BMP6: variants seen among roughly 807,000 people sequenced by gnomAD.
BMP6 encodes VG-1-R.
Under a neutral mutation model 54.1 loss-of-function variants are expected in BMP6, and 17 were observed. The ratio of observed to expected loss-of-function variants is 0.31; its 90% CI spans 0.22 to 0.47. BMP6 has a LOEUF of 0.47. BMP6 is among the 20% of genes least tolerant of loss of function. BMP6 has a pLI of 1.00. For synonymous variants in BMP6, 328 were observed against 291.2 expected (o/e 1.13, Z -1.28); for missense variants, 720 against 690.4 (o/e 1.04, Z -0.48).
At chr6:7,729,990 G>A (rs1387929257) in intron 1 of BMP6, among the ~76,000 whole-genome samples, 1 of 152,236 alleles carries the variant, frequency 6.6e-6, no homozygotes, top group Non-Finnish European at 1.5e-5. Flanking sequence ...ATAGAAGTGT[G>A]CCACCATGCC....
chr6:7,829,258 T>C (rs1373714303), intron 1 of BMP6, among the ~76,000 whole-genome samples: 2 of 152,130 alleles, frequency 1.3e-5, no homozygotes, highest in Non-Finnish European at 2.9e-5. Flanking sequence ...GGATTTTTTA[T>C]GTATGTCTTC....
intron 1 of BMP6, among the ~76,000 whole-genome samples, chr6:7,808,914 TAAAAAAAA>T (rs70982107): frequency 1.1e-5 from 1 of 89,002 alleles, no homozygotes; most frequent in African/African-American, 4.7e-5. Flanking sequence ...ACCCTGTCTC[TAAAAAAAA>T]AAAAAAAAAA....
chr6:7,827,066 G>C (rs1024304557), intron 1 of BMP6, among the ~76,000 whole-genome samples: 1 of 152,176 alleles, frequency 6.6e-6, no homozygotes, highest in African/African-American at 2.4e-5. Flanking sequence ...CTTGCTGCCC[G>C]TATCTACAGC....
At chr6:7,738,508 G>C (rs999447093) in intron 1 of BMP6, among the ~76,000 whole-genome samples, 1 of 152,126 alleles carries the variant, frequency 6.6e-6, no homozygotes, top group African/African-American at 2.4e-5. Flanking sequence ...ACCACGACCT[G>C]CTTGGCCGTG....
chr6:7,737,277 G>GT (rs1761969598), intron 1 of BMP6, among the ~76,000 whole-genome samples: 2 of 152,130 alleles, frequency 1.3e-5, no homozygotes, highest in Admixed American at 6.5e-5. Context: ...ATGTCCTGTG[G>GT]TTTAATACTT....
chr6:7,783,803 T>C (rs1757982979), intron 1 of BMP6, among the ~76,000 whole-genome samples: 1 of 152,250 alleles, frequency 6.6e-6, no homozygotes, highest in Non-Finnish European at 1.5e-5. Flanking sequence ...TCACCTCTTC[T>C]TCATGGAATG....
At chr6:7,866,720 A>G (rs542556279) in intron 4 of BMP6, among the ~76,000 whole-genome samples, 3 of 152,334 alleles carry the variant, frequency 2.0e-5, no homozygotes, top group African/African-American at 7.2e-5. Context: ...TTAATGATCC[A>G]TGTGAAATTG....
rs763377219 is a variant in BMP6 at position 7,727,181 on chromosome 6, A to G, written c.226A>G (p.Lys76Glu). 56 of 1,599,804 alleles carry G rather than the reference A, an allele frequency of 3.5e-5. No individual in the cohort carries two copies. Among genetic ancestry groups the G allele is most frequent in the Non-Finnish European group, 4.4e-5 (52 of 1,174,230 alleles). ...GTACCGGCGGCTCAAGACGCAGGAG[A>G]AGCGGGAGATGCAGAAGGAGATCTT... is the stretch of plus-strand genomic sequence containing the variant. ...FLYRRLKTQE[K>E]REMQKEILSV... The change falls in exon 1 of 7, where the codon AAG becomes GAG. Residue 76 changes from lysine to glutamate, a missense_variant. Physicochemically the swap from Lys to Glu is moderately conservative, Grantham distance 56. Around this residue, in one of 3 missense-constraint regions of BMP6, gnomAD observed 650 missense variants for 556.3 expected, o/e 1.17. Transcript: ENST00000283147.
At chr6:7,821,871 G>A (rs1371277223) in intron 1 of BMP6, among the ~76,000 whole-genome samples, 1 of 152,174 alleles carries the variant, frequency 6.6e-6, no homozygotes, top group East Asian at 1.9e-4. Flanking sequence ...TCTATACAGA[G>A]GGACTTTGGC....
At chr6:7,757,662 G>A (rs1474656391) in intron 1 of BMP6, among the ~76,000 whole-genome samples, 1 of 152,196 alleles carries the variant, frequency 6.6e-6, no homozygotes, top group Non-Finnish European at 1.5e-5. Context: ...CCCTTGATAA[G>A]GAAATTCTTT....
chr6:7,785,534 G>A, intron 1 of BMP6, among the ~76,000 whole-genome samples: 1 of 152,170 alleles, frequency 6.6e-6, no homozygotes, highest in East Asian at 1.9e-4. Context: ...AGTAGGAGAA[G>A]GAGGCACTTT....
At chr6:7,859,064 G>A (rs748592837) in intron 2 of BMP6, among the ~76,000 whole-genome samples, 1 of 152,074 alleles carries the variant, frequency 6.6e-6, no homozygotes, top group Non-Finnish European at 1.5e-5. Flanking sequence ...TGACCCCGTA[G>A]GTGCAATTGC....
chr6:7,878,975 C>A, intron 4 of BMP6, 99 bp from the exon 5 acceptor site: 1 of 1,230,022 alleles, frequency 8.1e-7, no homozygotes, highest in Non-Finnish European at 1.2e-6. Context: ...TATCCTGAGC[C>A]TAGCACAGAG....
chr6:7,813,678 A>T (rs1758478068), intron 1 of BMP6, among the ~76,000 whole-genome samples: 1 of 137,370 alleles, frequency 7.3e-6, no homozygotes. Context: ...AACCCACCAA[A>T]CCCAGTATAG....
At chr6:7,850,177 C>T (rs940146473) in intron 2 of BMP6, among the ~76,000 whole-genome samples, 4 of 152,126 alleles carry the variant, frequency 2.6e-5, no homozygotes, top group African/African-American at 9.7e-5. Flanking sequence ...GAGTCTCGCT[C>T]TGTTGCCCAT....
At chr6:7,801,223 A>G (rs1198562305) in intron 1 of BMP6, among the ~76,000 whole-genome samples, 1 of 152,076 alleles carries the variant, frequency 6.6e-6, no homozygotes, top group African/African-American at 2.4e-5. Context: ...CCTCTTAAAA[A>G]TTTTCTTGCA....
chr6:7,854,266 G>C (rs7763929), intron 2 of BMP6, among the ~76,000 whole-genome samples: 3,262 of 152,230 alleles, frequency 0.021, 118 homozygotes, highest in African/African-American at 0.072. Context: ...TGGGAGGCAG[G>C]CCATGCCGGT....
chr6:7,806,212 A>T (rs73381650), intron 1 of BMP6, among the ~76,000 whole-genome samples: 4 of 152,196 alleles, frequency 2.6e-5, no homozygotes, highest in African/African-American at 9.7e-5. Context: ...ACCCTCACAC[A>T]TAGCAGATCA....
chr6:7,837,270 T>G (rs971057388), intron 1 of BMP6, among the ~76,000 whole-genome samples: 1 of 152,214 alleles, frequency 6.6e-6, no homozygotes, highest in African/African-American at 2.4e-5. Flanking sequence ...TGGACAATTT[T>G]AATTGAAATA....
Sources: allele counts gnomAD v4.1 joint callset (sites outside exome capture counted in the v4.1 genomes callset), GRCh38; gene constraint gnomAD v4.1.1; regional missense constraint gnomAD v4.1.1; transcripts MANE v1.5; gene names NCBI Gene and HGNC (gene_info 2026-07-23, HGNC 2026-07-21).